Variants in FILIP1 observed in about 807,000 individuals in gnomAD.
FILIP1 encodes filamin-A-interacting protein 1.
In FILIP1, 61 loss-of-function variants were observed where a neutral mutation model predicts 102.1. The ratio of observed to expected loss-of-function variants is 0.60; its 90% CI spans 0.49 to 0.74. The LOEUF is 0.74. Among genes scored for constraint, FILIP1 ranks in the 30% least tolerant of loss-of-function variants. The probability of loss-of-function intolerance (pLI) is 0.00; values close to 1 mark genes in which losing one functional copy is unlikely to be tolerated. For missense variants in FILIP1, 1,314 were observed against 1,441.2 expected (o/e 0.91, Z 1.43); for synonymous variants, 491 against 526.9 (o/e 0.93, Z 0.93).
chr6:75,373,494 G>A (rs1242751678), intron 2 of FILIP1, among the ~76,000 whole-genome samples: 1 of 151,818 alleles, frequency 6.6e-6, no homozygotes, highest in Non-Finnish European at 1.5e-5. Context: ...TTTTAGAGAT[G>A]GAGCCTTGCC....
At chr6:75,385,931 G>C (rs560772623) in intron 2 of FILIP1, among the ~76,000 whole-genome samples, 1 of 151,736 alleles carries the variant, frequency 6.6e-6, no homozygotes, top group African/African-American at 2.4e-5. Flanking sequence ...TGCCGTACTA[G>C]CTTGTATAAT....
intron 4 of FILIP1, among the ~76,000 whole-genome samples, chr6:75,345,553 C>T (rs754061816): frequency 1.8e-4 from 27 of 152,040 alleles, no homozygotes; most frequent in Non-Finnish European, 3.2e-4. Flanking sequence ...AAGCTGGTGC[C>T]GGCCAAGTGG....
In FILIP1 at chr6:75,314,908, C is replaced by T. The variant is rs1310170700; in HGVS notation, c.924G>A (p.Ser308=). 6.2e-6 allele frequency: 10 copies of T among 1,614,108 alleles called. No homozygotes were observed. The highest frequency in any genetic ancestry group is 2.2e-5 in the East Asian group (1 of 44,882). ...TCTCTTCATGCTCTTGAGAAAACCTCGAAGCCTTGTGTTCAAAGTCCACTT... is the reference window on the plus strand; with the variant it reads ...TCTCTTCATGCTCTTGAGAAAACCTTGAAGCCTTGTGTTCAAAGTCCACTT... The part of the protein sequence containing the change: ...KLEVDFEHKA[S]RFSQEHEEMN... The change falls in exon 5 of 6, where the codon TCG becomes TCA. Residue 308 remains serine, a synonymous_variant. Coordinates refer to ENST00000237172, the MANE Select transcript of FILIP1 (RefSeq NM_015687.5).
At chr6:75,391,884 G>A (rs1164173027) in intron 2 of FILIP1, among the ~76,000 whole-genome samples, 1 of 152,118 alleles carries the variant, frequency 6.6e-6, no homozygotes, top group African/African-American at 2.4e-5. Flanking sequence ...CTAAGTGAGT[G>A]GGATTTCTTT....
At chr6:75,312,171 A>T (rs909417011) in intron 5 of FILIP1, among the ~76,000 whole-genome samples, 4 of 152,256 alleles carry the variant, frequency 2.6e-5, no homozygotes, top group Admixed American at 6.5e-5. Flanking sequence ...TCCATAATTT[A>T]CATGAATAGG....
chr6:75,311,158 T>A (rs186249389), intron 5 of FILIP1, among the ~76,000 whole-genome samples: 1 of 152,206 alleles, frequency 6.6e-6, no homozygotes, highest in Admixed American at 6.5e-5. Flanking sequence ...TGGAAGTATT[T>A]TGAAAAATAT....
chr6:75,440,987 C>CTTT (rs930308096), intron 1 of FILIP1, among the ~76,000 whole-genome samples: 1 of 141,220 alleles, frequency 7.1e-6, no homozygotes, highest in Non-Finnish European at 1.5e-5. Context: ...GTAAAACTTC[C>CTTT]TTTTTTTTTT....
chr6:75,465,204 A>G, intron 1 of FILIP1: 1 of 199,554 alleles, frequency 5.0e-6, no homozygotes, highest in South Asian at 8.8e-5. Flanking sequence ...AGAAGCCCAG[A>G]AAGGAGCAGG....
intron 6 of FILIP1, chr6:75,296,554 G>C (rs530716260): frequency 1.1e-4 from 16 of 148,908 alleles, no homozygotes; most frequent in Middle Eastern, 3.5e-3. Flanking sequence ...GGCTGGGGTG[G>C]AGTGACGCGA....
At chr6:75,319,280 G>C (rs1773556029) in intron 4 of FILIP1, 3 of 670,614 alleles carry the variant, frequency 4.5e-6, no homozygotes, top group East Asian at 3.2e-5. Flanking sequence ...ACCTGTCCCA[G>C]TTTCTTCCAG....
At chr6:75,390,563 G>C (rs1776251208) in intron 2 of FILIP1, among the ~76,000 whole-genome samples, 1 of 151,960 alleles carries the variant, frequency 6.6e-6, no homozygotes, top group Admixed American at 6.6e-5. Flanking sequence ...AGAGAGCAAG[G>C]CGAGAGGTAC....
intron 4 of FILIP1, among the ~76,000 whole-genome samples, chr6:75,329,812 C>T (rs949022246): frequency 1.3e-5 from 2 of 151,930 alleles, no homozygotes; most frequent in Non-Finnish European, 2.9e-5. Context: ...TAGGTATATA[C>T]ACTTATGGGG....
At chr6:75,413,982 T>A (rs1777166056) in intron 2 of FILIP1, among the ~76,000 whole-genome samples, 1 of 150,764 alleles carries the variant, frequency 6.6e-6, no homozygotes, top group Non-Finnish European at 1.5e-5. Context: ...GGACGAAGAA[T>A]CAGGAAGCCT....
At chr6:75,419,646 A>T (rs1462246450) in intron 1 of FILIP1, among the ~76,000 whole-genome samples, 2 of 152,100 alleles carry the variant, frequency 1.3e-5, no homozygotes, top group Admixed American at 1.3e-4. Flanking sequence ...CTTACACATA[A>T]ATGACAATAC....
At chr6:75,340,997 C>T (rs183717289) in intron 4 of FILIP1, among the ~76,000 whole-genome samples, 1 of 151,536 alleles carries the variant, frequency 6.6e-6, no homozygotes, top group East Asian at 1.9e-4. Context: ...AGCCACCGTG[C>T]CTGCCCGTCC....
Position 75,353,533 on chromosome 6 carries a change from C to G in FILIP1, c.629+6G>C, listed in dbSNP as rs199506217. The G allele has an allele frequency of 3.5e-5, 56 of 1,614,022 alleles. No homozygotes were observed. In the East Asian group the frequency reaches 1.2e-3, roughly 36 times the overall value. On this transcript the variant is annotated splice_donor_region_variant and intron_variant, in intron 4 of 5. Transcript: ENST00000237172. Reference sequence around the variant, plus strand: ...AGATGTGACTGGTGGTGTGTGTGCACATTACCTCTCCCGCTCCTGCTCCAG... The same window carrying G: ...AGATGTGACTGGTGGTGTGTGTGCAGATTACCTCTCCCGCTCCTGCTCCAG...
At position 75,391,329 on chromosome 6, in the gene FILIP1, C is replaced by T. The variant is rs80146071; in HGVS notation, c.276+23368G>A. On this transcript the variant is annotated intron_variant, in intron 2 of 5. Coordinates refer to ENST00000237172, the MANE Select transcript of FILIP1 (RefSeq NM_015687.5). ...GAGAAAAACTCATGCCAACTGATCT[C>T]ATTTCAAATTCATGGTCACTAACTT... Among the ~76,000 whole-genome samples the T allele has an allele frequency of 4.6e-3, 706 of 152,276 alleles. 10 individuals carry two copies. The East Asian group carries it at 0.069, about 15-fold the overall frequency.
At chr6:75,435,510 T>G (rs532636332) in intron 1 of FILIP1, among the ~76,000 whole-genome samples, 1 of 152,348 alleles carries the variant, frequency 6.6e-6, no homozygotes, top group African/African-American at 2.4e-5. Flanking sequence ...CAATGAGAAC[T>G]TAAAATCAGG....
At chr6:75,481,740 T>TG (rs1454749753) in intron 1 of FILIP1, among the ~76,000 whole-genome samples, 1 of 152,198 alleles carries the variant, frequency 6.6e-6, no homozygotes, top group East Asian at 1.9e-4. Flanking sequence ...CTTGCCTGAT[T>TG]GAGCCCCAGG....
Sources: allele counts gnomAD v4.1 joint callset (sites outside exome capture counted in the v4.1 genomes callset), GRCh38; gene constraint gnomAD v4.1.1; transcripts MANE v1.5; gene names NCBI Gene and HGNC (gene_info 2026-07-23, HGNC 2026-07-21).